The following JAG1 variants were observed in gnomAD, a reference collection of about 807,000 sequenced individuals.
JAG1 encodes the protein protein jagged-1.
A neutral mutation model predicts 148.7 loss-of-function variants in JAG1; 23 were observed. The ratio of observed to expected loss-of-function variants is 0.15; its 90% confidence interval spans 0.11 to 0.22. JAG1 has a LOEUF of 0.22. Among genes scored for constraint, JAG1 ranks in the 10% least tolerant of loss-of-function variants. The pLI is 1.00. For synonymous variants in JAG1, 572 were observed against 598.3 expected (o/e 0.96, Z 0.64); for missense variants, 1,054 against 1,611.2 (o/e 0.65, Z 5.92).
intron 23 of JAG1, 107 bp downstream of exon 23, chr20:10,641,353 C>T: frequency 6.5e-7 from 1 of 1,539,216 alleles, no homozygotes; most frequent in Non-Finnish European, 8.9e-7. Context: ...TATTATAAAA[C>T]AGGAATGTAA....
At chr20:10,672,555 C>T in intron 2 of JAG1, 146 bp downstream of exon 2, 1 of 810,188 alleles carries the variant, frequency 1.2e-6, no homozygotes, top group Non-Finnish European at 2.0e-6. Context: ...TGTCCCGGCT[C>T]CCTCACCCGC....
chr20:10,672,812 G>A lies in JAG1; in HGVS notation c.276C>T (p.Cys92=), dbSNP rs1164683934. Reference sequence around the variant, plus strand: ...CAGGCGTGGACCCTGAGCCGAAGCTGCAGGGCCCCCCGGCCGTGACGCGGG... The same window carrying A: ...CAGGCGTGGACCCTGAGCCGAAGCTACAGGGCCCCCCGGCCGTGACGCGGG... ...YQSRVTAGGP[C]SFGSGSTPVI... is the part of the protein sequence containing the mutation. Residue 92 remains cysteine, a synonymous_variant, in exon 2 of 26, where the codon TGC becomes TGT. Coordinates refer to ENST00000254958, the MANE Select transcript of JAG1 (RefSeq NM_000214.3). The A allele has an allele frequency of 6.2e-7, 1 of 1,613,186 alleles. No homozygotes were observed. Among genetic ancestry groups the A allele is most frequent in the Non-Finnish European group, 8.5e-7 (1 of 1,180,002 alleles).
intron 5 of JAG1, chr20:10,652,826 G>A: frequency 2.2e-6 from 1 of 455,974 alleles, no homozygotes. Context: ...TTGGGAAGAG[G>A]CCAGCATGGG....
intron 2 of JAG1, among the ~76,000 whole-genome samples, chr20:10,669,269 T>C (rs1190028003): frequency 6.6e-6 from 1 of 152,126 alleles, no homozygotes; most frequent in African/African-American, 2.4e-5. Context: ...ACACATGCTC[T>C]TTCTTTGTAT....
chr20:10,648,252 A>C, intron 12 of JAG1, 142 bp from the exon 13 acceptor site: 1 of 999,648 alleles, frequency 1.0e-6, no homozygotes, highest in Non-Finnish European at 1.5e-6. Context: ...ATACATCTCT[A>C]TGCTGTAGGG....
At chr20:10,659,179 A>G (rs1440119086) in intron 3 of JAG1, among the ~76,000 whole-genome samples, 1 of 152,252 alleles carries the variant, frequency 6.6e-6, no homozygotes. Context: ...GTGTTTCCCA[A>G]TAACACTGCC....
In JAG1 at chr20:10,645,007, C is replaced by T; in HGVS notation, c.2228-28G>A. 1 of 1,578,888 alleles carries T rather than the reference C, an allele frequency of 6.3e-7. No individual in the cohort carries two copies. The highest frequency in any genetic ancestry group is 8.7e-7 in the Non-Finnish European group (1 of 1,148,004). On this transcript the variant is annotated intron_variant, in intron 17 of 25. Coordinates refer to ENST00000254958, the MANE Select transcript of JAG1 (RefSeq NM_000214.3). The surrounding 1 kb of genome is among the most constrained non-coding windows in gnomAD (Gnocchi z 6.1). ...ATAAAAGAAGAGCAGACACGACCAC[C>T]CTCCCTGAGTATCCAGAAACAGTCT... is the stretch of plus-strand genomic sequence containing the variant.
In JAG1 at chr20:10,650,276, G is replaced by A. The variant is rs144204614; in HGVS notation, c.1205C>T (p.Pro402Leu). 2.5e-6 allele frequency: 4 copies of A among 1,613,030 alleles called. No homozygotes were observed. The highest frequency in any genetic ancestry group is 3.4e-6 in the Non-Finnish European group (4 of 1,179,090). ...LVNGFKCVCP[P>L]QWTGKTCQLD... ...CTGGCACGTTTTCCCAGTCCACTGT[G>A]GGGGGCACACACACTTAAATCCGTT... Residue 402 changes from proline to leucine, a missense_variant, in exon 9 of 26, where the codon CCA becomes CTA. Pro to Leu is a moderately conservative substitution (Grantham distance 98). Coordinates refer to ENST00000254958, the MANE Select transcript of JAG1 (RefSeq NM_000214.3).
intron 8 of JAG1, chr20:10,651,134 T>G: frequency 6.0e-6 from 1 of 166,872 alleles, no homozygotes; most frequent in Non-Finnish European, 1.3e-5. Context: ...ATTTACACTG[T>G]AAAGCAGCCC....
intron 2 of JAG1, among the ~76,000 whole-genome samples, chr20:10,667,423 C>T (rs988829210): frequency 1.3e-5 from 2 of 152,266 alleles, no homozygotes; most frequent in East Asian, 1.9e-4. Context: ...TCAGTCAATT[C>T]GGCCAACTCT....
rs1460827287 is a variant in JAG1 at position 10,637,884 on chromosome 20, CCCCGATTA to C, written c.*1606_*1613del. On this transcript the variant is annotated 3_prime_UTR_variant, in exon 26 of 26. Transcript: ENST00000254958. ...CCTCTGTCAGGCAGAGCCTATTATA[CCCCGATTA>C]CCAGAACAGACTCAGCAGGGTGGCA... 1 of 152,606 alleles carries C rather than the reference CCCCGATTA, an allele frequency of 6.6e-6. No individual in the cohort carries two copies. The highest frequency in any genetic ancestry group is 1.5e-5 in the Non-Finnish European group (1 of 68,046). The allele number at this position is 152,606 out of a possible 1,614,324, so 9.5% of individuals were successfully genotyped here.
chr20:10,654,536 GAA>G (rs200065818), intron 5 of JAG1, among the ~76,000 whole-genome samples: 1 of 148,220 alleles, frequency 6.7e-6, no homozygotes, highest in Non-Finnish European at 1.5e-5. Context: ...ATGTGGGGGT[GAA>G]AAAAAAAATA....
At position 10,673,372 on chromosome 20, in the gene JAG1, C is replaced by T; in HGVS notation, c.81+78G>A. ...GCGCTCGAGGGCTGCCGAGCCTGCT[C>T]GCGGGGCTCAACCGCCCAGGGCGCC... On this transcript the variant is annotated intron_variant, in intron 1 of 25. Coordinates refer to ENST00000254958, the MANE Select transcript of JAG1 (RefSeq NM_000214.3). This position sits in a 1 kb window ranked among gnomAD's most constrained non-coding sequence, Gnocchi z 4.7. 3.6e-6 allele frequency: 4 copies of T among 1,109,454 alleles called. No individual in the cohort carries two copies. The highest frequency in any genetic ancestry group is 3.7e-6 in the Non-Finnish European group (3 of 800,020). The allele number at this position is 1,109,454 out of a possible 1,614,324, so 68.7% of individuals were successfully genotyped here.
chr20:10,651,263 G>A, intron 8 of JAG1: 1 of 315,470 alleles, frequency 3.2e-6, no homozygotes, highest in Non-Finnish European at 6.1e-6. Flanking sequence ...CTCCCCTGAA[G>A]GCAGCCTCTC....
intron 14 of JAG1, among the ~76,000 whole-genome samples, chr20:10,646,532 G>T (rs2067309781): frequency 6.6e-6 from 1 of 152,152 alleles, no homozygotes. Flanking sequence ...GCTGGGCATG[G>T]TGGCTCACAC....
chr20:10,639,569 AGTTTGGGTGTTTT>A lies in JAG1; in HGVS notation c.3573_3585del (p.Lys1192GlyfsTer16), dbSNP rs1419746480. ...TCTCTGTTGTCCTGTTTGTTTGTCCAGTTTGGGTGTTTTGTCGGCGTGCCGTTGGGGGGCTTCT... is the reference window on the plus strand; with the variant it reads ...TCTCTGTTGTCCTGTTTGTTTGTCCAGTCGGCGTGCCGTTGGGGGGCTTCT... On this transcript the variant is annotated frameshift_variant, in exon 26 of 26. Coordinates refer to ENST00000254958, the MANE Select transcript of JAG1 (RefSeq NM_000214.3). LOFTEE classifies it high-confidence loss of function. 2.5e-6 allele frequency: 4 copies of A among 1,614,130 alleles called. No homozygotes were observed. The highest frequency in any genetic ancestry group is 3.4e-6 in the Non-Finnish European group (4 of 1,180,030).
At chr20:10,644,276 T>TCTCA (rs1555828066) in intron 19 of JAG1, 81 bp downstream of exon 19, 37,002 of 880,944 alleles carry the variant, frequency 0.042, 1,822 homozygotes, top group South Asian at 0.058. Flanking sequence ...TGGGTGATTC[T>TCTCA]CACACACACA....
chr20:10,654,275 AACC>A (rs1416294439), intron 5 of JAG1, among the ~76,000 whole-genome samples: 2 of 152,204 alleles, frequency 1.3e-5, no homozygotes, highest in Non-Finnish European at 2.9e-5. Flanking sequence ...ATAAAAAAGC[AACC>A]ACAAGAGGCC....
intron 13 of JAG1, 50 bp downstream of exon 13, chr20:10,647,910 A>G (rs761331718): frequency 1.2e-6 from 2 of 1,602,912 alleles, no homozygotes; most frequent in Non-Finnish European, 8.5e-7. Flanking sequence ...GTAAGTGGGG[A>G]CAAAAGGAGC....
Sources: allele counts gnomAD v4.1 joint callset (sites outside exome capture counted in the v4.1 genomes callset), GRCh38; gene constraint gnomAD v4.1.1; non-coding constraint Gnocchi (gnomAD v3.1); transcripts MANE v1.5; gene names NCBI Gene and HGNC (gene_info 2026-07-23, HGNC 2026-07-21).